The following ABCB5 variants were observed in gnomAD, a reference collection of about 807,000 sequenced individuals.
ABCB5 encodes the protein ATP binding cassette subfamily B member 5.
Under a neutral mutation model 144.2 loss-of-function variants are expected in ABCB5, and 155 were observed. The observed-to-expected ratio is 1.08, with a 90% CI of 0.94 to 1.23. The LOEUF is 1.23. ABCB5 is among the 50% of genes most tolerant of loss of function. ABCB5 has a pLI of 0.00. For synonymous variants in ABCB5, 610 were observed against 528.6 expected (o/e 1.15, Z -2.11); for missense variants, 1,830 against 1,520.8 (o/e 1.20, Z -3.38).
At chr7:20,637,656 G>C (rs938746388) in intron 5 of ABCB5, among the ~76,000 whole-genome samples, 1 of 152,138 alleles carries the variant, frequency 6.6e-6, no homozygotes, top group Non-Finnish European at 1.5e-5. Context: ...CCGACCTCAG[G>C]TGAGCTGCCC....
chr7:20,667,167 A>T, intron 14 of ABCB5: 1 of 865,238 alleles, frequency 1.2e-6, no homozygotes, highest in Non-Finnish European at 1.4e-6. Context: ...TATTTGATGC[A>T]CTCAGATACA....
At chr7:20,703,645 A>G (rs762050605) in intron 19 of ABCB5, among the ~76,000 whole-genome samples, 4 of 152,180 alleles carry the variant, frequency 2.6e-5, no homozygotes, top group Non-Finnish European at 5.9e-5. Flanking sequence ...CTAAAAATAA[A>G]CCATCTTTCA....
chr7:20,659,254 G>A, intron 14 of ABCB5: 1 of 1,521,128 alleles, frequency 6.6e-7, no homozygotes, highest in Non-Finnish European at 8.8e-7. Context: ...GAATCTAGGA[G>A]GGGAGTTGGC....
chr7:20,725,471 C>G (rs1782005523), intron 21 of ABCB5, among the ~76,000 whole-genome samples: 1 of 152,130 alleles, frequency 6.6e-6, no homozygotes, highest in Admixed American at 6.5e-5. Flanking sequence ...CCCAGCTACT[C>G]AGGAGGCTAA....
In ABCB5 at chr7:20,745,217, A is replaced by G. The variant is rs1174341375; in HGVS notation, c.3223-15A>G. Reference sequence around the variant, plus strand: ...TGTGATCTTAACACACCATTCTCCAATCTGCTTTTGGCAGCTGTTTGATGG... The same window carrying G: ...TGTGATCTTAACACACCATTCTCCAGTCTGCTTTTGGCAGCTGTTTGATGG... On this transcript the variant is annotated splice_polypyrimidine_tract_variant and intron_variant, in intron 25 of 27. Coordinates refer to ENST00000404938, the MANE Select transcript of ABCB5 (RefSeq NM_001163941.2). 2.5e-6 allele frequency: 4 copies of G among 1,613,394 alleles called. No individual in the cohort carries two copies. In the South Asian group the frequency reaches 3.3e-5, roughly 13 times the overall value.
chr7:20,649,726 G>A (rs941306585), intron 11 of ABCB5, among the ~76,000 whole-genome samples: 20 of 152,122 alleles, frequency 1.3e-4, no homozygotes, highest in Non-Finnish European at 5.9e-5. Flanking sequence ...TAACTTGATA[G>A]TCAAAATTCA....
chr7:20,659,518 T>G, intron 14 of ABCB5: 1 of 1,018,310 alleles, frequency 9.8e-7, no homozygotes, highest in Non-Finnish European at 1.2e-6. Flanking sequence ...TTACTATTAT[T>G]TAGTAGCAAA....
At chr7:20,663,071 A>T (rs1467944271) in intron 14 of ABCB5, among the ~76,000 whole-genome samples, 1 of 152,214 alleles carries the variant, frequency 6.6e-6, no homozygotes, top group African/African-American at 2.4e-5. Flanking sequence ...GTTAAGTAAT[A>T]GGTAGGCACA....
intron 16 of ABCB5, among the ~76,000 whole-genome samples, chr7:20,686,998 C>T (rs17143258): frequency 0.26 from 38,848 of 152,112 alleles, 6,230 homozygotes; most frequent in African/African-American, 0.45. Context: ...CATTTACACT[C>T]AGACATTTTT....
chr7:20,659,805 T>A, intron 14 of ABCB5: 3 of 967,458 alleles, frequency 3.1e-6, no homozygotes, highest in Middle Eastern at 5.3e-4. Flanking sequence ...TGCCTCAGCC[T>A]CCTGAGTAGC....
At chr7:20,640,327 A>G (rs1175028902) in intron 5 of ABCB5, among the ~76,000 whole-genome samples, 1 of 152,230 alleles carries the variant, frequency 6.6e-6, no homozygotes, top group Non-Finnish European at 1.5e-5. Flanking sequence ...CGTCAACCAA[A>G]TAATACACAA....
chr7:20,655,191 G>C (rs965676398), intron 13 of ABCB5, among the ~76,000 whole-genome samples: 9 of 152,088 alleles, frequency 5.9e-5, no homozygotes, highest in African/African-American at 2.2e-4. Context: ...TAAACAGCTG[G>C]GCATTTTTTG....
rs745631755 is a variant in ABCB5 at position 20,645,888 on chromosome 7, C to T, written c.803+8C>T. The T allele has an allele frequency of 3.7e-6, 6 of 1,612,660 alleles. No homozygotes were observed. Among genetic ancestry groups the T allele is most frequent in the Middle Eastern group, 1.6e-4 (1 of 6,066 alleles). ...GGAGAAAGAACTTCAAAGGTCTTTCCTTTTAAATATAACAAGATATGCTTG... is the reference window on the plus strand; with the variant it reads ...GGAGAAAGAACTTCAAAGGTCTTTCTTTTTAAATATAACAAGATATGCTTG... On this transcript the variant is annotated splice_region_variant and intron_variant, in intron 8 of 27. Transcript: ENST00000404938.
At chr7:20,694,497 C>T (rs1442840849) in intron 16 of ABCB5, among the ~76,000 whole-genome samples, 1 of 151,984 alleles carries the variant, frequency 6.6e-6, no homozygotes, top group Admixed American at 6.6e-5. Context: ...CAAAAAACAA[C>T]GGCTAACATC....
chr7:20,658,885 A>T (rs1475402084), intron 14 of ABCB5, among the ~76,000 whole-genome samples: 1 of 152,174 alleles, frequency 6.6e-6, no homozygotes, highest in Non-Finnish European at 1.5e-5. Flanking sequence ...TGGTGTAAAA[A>T]TATATACATG....
intron 20 of ABCB5, among the ~76,000 whole-genome samples, chr7:20,707,636 A>G (rs569262354): frequency 2.0e-5 from 3 of 152,294 alleles, no homozygotes; most frequent in Admixed American, 1.3e-4. Flanking sequence ...CATTTGATAT[A>G]CCACAGACAC....
At chr7:20,626,421 T>C in intron 2 of ABCB5, 136 bp from the exon 3 acceptor site, 1 of 664,032 alleles carries the variant, frequency 1.5e-6, no homozygotes, top group South Asian at 2.4e-5. Flanking sequence ...TATCATTAAG[T>C]TTATTTTTAA....
chr7:20,654,466 G>T (rs946254088), intron 13 of ABCB5, among the ~76,000 whole-genome samples: 1 of 152,120 alleles, frequency 6.6e-6, no homozygotes, highest in Non-Finnish European at 1.5e-5. Context: ...ATATCAGTAA[G>T]AATATAGATG....
At chr7:20,675,397 G>T (rs1356660182) in intron 14 of ABCB5, among the ~76,000 whole-genome samples, 3 of 151,968 alleles carry the variant, frequency 2.0e-5, no homozygotes, top group Non-Finnish European at 4.4e-5. Context: ...ATGGGGAAAG[G>T]ATGGTTTATT....
Sources: gnomAD v4.1 joint callset for allele counts (sites outside exome capture counted in the v4.1 genomes callset) on GRCh38, gnomAD v4.1.1 for gene constraint, MANE v1.5 for transcripts, NCBI Gene and HGNC (gene_info 2026-07-23, HGNC 2026-07-21) for gene names.